Variants in CUL1 observed in about 807,000 individuals in gnomAD.
CUL1 encodes the protein cullin-1.
In CUL1, 24 loss-of-function variants were observed where a neutral mutation model predicts 118.0. That is an observed-to-expected ratio of 0.20 (90% CI 0.15 to 0.29). CUL1 has a LOEUF of 0.29. CUL1 is among the 10% of genes least tolerant of loss of function. The probability of loss-of-function intolerance (pLI) is 1.00; values close to 1 mark genes in which losing one functional copy is unlikely to be tolerated. For synonymous variants in CUL1, 332 were observed against 340.4 expected (o/e 0.98, Z 0.27); for missense variants, 361 against 933.8 (o/e 0.39, Z 7.99).
At chr7:148,748,550 A>G (rs2129460164) in intron 2 of CUL1, among the ~76,000 whole-genome samples, 1 of 152,360 alleles carries the variant, frequency 6.6e-6, no homozygotes, top group South Asian at 2.1e-4. Flanking sequence ...TATAAGATAA[A>G]TTGATAAAAC....
chr7:148,790,374 C>T lies in CUL1; in HGVS notation c.1739C>T (p.Thr580Met), dbSNP rs758702023. 6.8e-6 allele frequency: 11 copies of T among 1,613,814 alleles called. No individual in the cohort carries two copies. The highest frequency in any genetic ancestry group is 7.6e-6 in the Non-Finnish European group (9 of 1,179,840). ...YASRHSGRKL[T>M]WLYQLSKGEL... ...AGCCGCCACAGTGGCCGAAAATTGA[C>T]GTGGTTATATCAGTTGTCTAAAGGA... is the stretch of plus-strand genomic sequence containing the variant. The change falls in exon 16 of 22, where the codon ACG (threonine) becomes ATG (methionine). Residue 580 changes from threonine to methionine, a missense_variant. Physicochemically the swap from Thr to Met is moderately conservative, Grantham distance 81. Coordinates refer to ENST00000325222, the MANE Select transcript of CUL1 (RefSeq NM_003592.3).
chr7:148,725,113 A>G (rs1798518679), intron 1 of CUL1, among the ~76,000 whole-genome samples: 1 of 152,152 alleles, frequency 6.6e-6, no homozygotes, highest in Non-Finnish European at 1.5e-5. Context: ...TGTCCCAGGC[A>G]GTTTTACAAT....
rs768725661 is a variant in CUL1 at position 148,757,105 on chromosome 7, C to T, written c.438C>T (p.Arg146=). 2 of 1,588,082 alleles carry T rather than the reference C, an allele frequency of 1.3e-6. No individual in the cohort carries two copies. Among genetic ancestry groups the T allele is most frequent in the South Asian group, 1.2e-5 (1 of 84,988 alleles). The change falls in exon 4 of 22, where the codon CGC becomes CGT. Residue 146 remains arginine (R), a synonymous_variant. Coordinates refer to ENST00000325222, the MANE Select transcript of CUL1 (RefSeq NM_003592.3). ...CCTACCTCAATAGACATTGGGTTCG[C>T]CGTGAATGTGACGAAGGACGAAAAG... ...ICAYLNRHWV[R]RECDEGRKGI...
chr7:148,758,306 A>G lies in CUL1; in HGVS notation c.484-998A>G, dbSNP rs187402150. ...ATTCTACATAAAGGAGTTAATCACC[A>G]TATCCAAGAATGTTGCTATAATAGC... On this transcript the variant is annotated intron_variant, in intron 4 of 21. Transcript: ENST00000325222. Among the ~76,000 whole-genome samples the G allele has an allele frequency of 2.0e-4, 31 of 152,360 alleles. No homozygotes were observed. The East Asian group carries it at 3.3e-3, about 16-fold the overall frequency.
At position 148,757,012 on chromosome 7, in the gene CUL1, A is replaced by T. The variant is rs1285407422; in HGVS notation, c.345A>T (p.Val115=). Residue 115 remains valine, a synonymous_variant, in exon 4 of 22, where the codon GTA becomes GTT. Coordinates refer to ENST00000325222, the MANE Select transcript of CUL1 (RefSeq NM_003592.3). ...KDGEDLMDES[V]LKFYTQQWED... ...GAGAAGATTTGATGGATGAGAGTGT[A>T]CTGAAATTCTACACTCAACAATGGG... The T allele has an allele frequency of 6.2e-7, 1 of 1,605,196 alleles. No individual in the cohort carries two copies. The highest frequency in any genetic ancestry group is 2.2e-5 in the East Asian group (1 of 44,538).
At chr7:148,767,771 A>G in intron 9 of CUL1, 22 bp downstream of exon 9, 1 of 1,610,892 alleles carries the variant, frequency 6.2e-7, no homozygotes, top group South Asian at 1.1e-5. Flanking sequence ...TTCATTGAAA[A>G]TCAGTCAGGC....
chr7:148,744,818 A>AAATAGCATTATTTTGCCTTCATCTTTG (rs1799257971), intron 2 of CUL1, among the ~76,000 whole-genome samples: 1 of 152,200 alleles, frequency 6.6e-6, no homozygotes, highest in Non-Finnish European at 1.5e-5. Context: ...TTTTACCTGA[A>AAATAGCATTATTTTGCCTTCATCTTTG]AATAGCATTA....
chr7:148,726,006 A>G (rs1185365385), intron 1 of CUL1, among the ~76,000 whole-genome samples: 2 of 152,230 alleles, frequency 1.3e-5, no homozygotes, highest in Non-Finnish European at 2.9e-5. Flanking sequence ...ATTTTTCAGC[A>G]TATTTGGAAT....
chr7:148,709,623 T>C (rs1477579500), intron 1 of CUL1, among the ~76,000 whole-genome samples: 2 of 152,210 alleles, frequency 1.3e-5, no homozygotes, highest in Non-Finnish European at 2.9e-5. Context: ...ATACACAAGT[T>C]AATGTAAATT....
rs533456629 is a variant in CUL1 at position 148,797,780 on chromosome 7, C to T, written c.1900-32C>T. 2.6e-5 allele frequency: 41 copies of T among 1,589,478 alleles called. 1 individual carries two copies. In the East Asian group the frequency reaches 7.6e-4, roughly 30 times the overall value. On this transcript the variant is annotated intron_variant, in intron 17 of 21. Transcript: ENST00000325222. ...TATTGCAAAGAAAAATGCATTTTCC[C>T]TTTAACTTCCTCTTTTTCTCTTTAA... is the stretch of plus-strand genomic sequence containing the variant.
chr7:148,741,526 C>T (rs778149313), intron 2 of CUL1, among the ~76,000 whole-genome samples: 6 of 152,250 alleles, frequency 3.9e-5, no homozygotes, highest in Non-Finnish European at 8.8e-5. Flanking sequence ...GCAACCTCCT[C>T]CTCTTAGGTT....
At chr7:148,757,453 GA>G (rs1251669576) in intron 4 of CUL1, among the ~76,000 whole-genome samples, 1 of 152,170 alleles carries the variant, frequency 6.6e-6, no homozygotes, top group South Asian at 2.1e-4. Context: ...TTTTCGCACT[GA>G]AAGTCCTGAG....
chr7:148,758,123 G>A (rs1799717172), intron 4 of CUL1, among the ~76,000 whole-genome samples: 1 of 152,170 alleles, frequency 6.6e-6, no homozygotes, highest in Admixed American at 6.5e-5. Context: ...ATGGGGCCCA[G>A]CAATGTTTTA....
intron 4 of CUL1, among the ~76,000 whole-genome samples, chr7:148,757,417 T>C (rs1799690482): frequency 6.6e-6 from 1 of 152,212 alleles, no homozygotes; most frequent in Admixed American, 6.5e-5. Flanking sequence ...GACCCTACCA[T>C]CACAGTTTGC....
intron 1 of CUL1, among the ~76,000 whole-genome samples, chr7:148,714,208 T>C (rs959481074): frequency 1.3e-5 from 2 of 152,258 alleles, no homozygotes; most frequent in African/African-American, 2.4e-5. Context: ...CATAATAGCA[T>C]GCAACCTGAT....
chr7:148,793,239 CTTACT>C (rs1482337414), intron 17 of CUL1, among the ~76,000 whole-genome samples: 10 of 152,296 alleles, frequency 6.6e-5, no homozygotes. Context: ...TTAGGCTTTT[CTTACT>C]AAGCTTAAAT....
intron 9 of CUL1, among the ~76,000 whole-genome samples, chr7:148,772,070 A>G (rs1042075542): frequency 6.6e-6 from 1 of 152,188 alleles, no homozygotes; most frequent in Non-Finnish European, 1.5e-5. Context: ...GCATGAAAAC[A>G]ATAGGCATTT....
chr7:148,731,330 T>TA (rs1199530261), intron 2 of CUL1, among the ~76,000 whole-genome samples: 3 of 152,236 alleles, frequency 2.0e-5, no homozygotes, highest in Non-Finnish European at 4.4e-5. Context: ...TCAGGTTTGA[T>TA]AGACTATATC....
intron 2 of CUL1, among the ~76,000 whole-genome samples, chr7:148,749,659 C>T (rs1028037379): frequency 6.6e-6 from 1 of 152,046 alleles, no homozygotes; most frequent in Non-Finnish European, 1.5e-5. Flanking sequence ...CTTCCTACTC[C>T]CTGAGACACA....
Sources: allele counts gnomAD v4.1 joint callset (sites outside exome capture counted in the v4.1 genomes callset), GRCh38; gene constraint gnomAD v4.1.1; transcripts MANE v1.5; gene names NCBI Gene and HGNC (gene_info 2026-07-23, HGNC 2026-07-21).